Variants in RELN observed in about 807,000 individuals in gnomAD.
RELN encodes the protein reelin.
A neutral mutation model predicts 427.6 loss-of-function variants in RELN; 108 were observed. The observed-to-expected ratio is 0.25, with a 90% CI of 0.22 to 0.30. RELN has a LOEUF of 0.30. Ranked by LOEUF, RELN falls within the 10% of genes least tolerant of loss-of-function variation. The probability of loss-of-function intolerance (pLI) is 1.00; values close to 1 mark genes in which losing one functional copy is unlikely to be tolerated. For missense variants in RELN, 3,715 were observed against 4,302.8 expected (o/e 0.86, Z 3.82); for synonymous variants, 1,524 against 1,513.4 (o/e 1.01, Z -0.16).
intron 20 of RELN, 118 bp from the exon 21 acceptor site, chr7:103,611,921 C>A: frequency 2.5e-6 from 2 of 808,870 alleles, no homozygotes; most frequent in Non-Finnish European, 2.0e-6. Flanking sequence ...TTAAACCTTG[C>A]CAAATTCTAG....
intron 28 of RELN, among the ~76,000 whole-genome samples, chr7:103,586,342 G>A (rs770951502): frequency 2.0e-5 from 3 of 151,882 alleles, no homozygotes; most frequent in African/African-American, 2.4e-5. Flanking sequence ...CAGCCTGGGC[G>A]ACAGAGTGAG....
intron 2 of RELN, among the ~76,000 whole-genome samples, chr7:103,857,099 C>A (rs1251692843): frequency 1.3e-5 from 2 of 152,082 alleles, no homozygotes; most frequent in Non-Finnish European, 1.5e-5. Context: ...TGCATTACCC[C>A]TCTCTTGCAA....
At chr7:103,659,751 A>G (rs1338226974) in intron 12 of RELN, among the ~76,000 whole-genome samples, 1 of 152,162 alleles carries the variant, frequency 6.6e-6, no homozygotes, top group African/African-American at 2.4e-5. Context: ...ATCAATAACA[A>G]CAGAGATATA....
chr7:103,538,954 A>T lies in RELN; in HGVS notation c.7180+124T>A, dbSNP rs1830116650. 2.8e-6 allele frequency: 3 copies of T among 1,066,686 alleles called. No individual in the cohort carries two copies. The Admixed American group carries it at 5.8e-5, about 21-fold the overall frequency. The allele number at this position is 1,066,686 out of a possible 1,614,324, so 66.1% of individuals were successfully genotyped here. A position where few individuals can be genotyped will look rare whatever the true frequency, so the allele number is the denominator to read the frequency against. On this transcript the variant is annotated intron_variant, in intron 45 of 64. Transcript: ENST00000428762. ...ATTTTCAAGAGTACAGTGTGGTTTG[A>T]CTCAAAGTGCACTTGTGTTTTATTT...
chr7:103,538,395 G>C (rs362745), intron 45 of RELN, among the ~76,000 whole-genome samples: 35,715 of 151,786 alleles, frequency 0.24, 5,157 homozygotes, highest in African/African-American at 0.41. Context: ...CAGGTAGAGA[G>C]TCCAAGTGTG....
intron 2 of RELN, among the ~76,000 whole-genome samples, chr7:103,867,459 T>C (rs1382379167): frequency 1.3e-5 from 2 of 152,042 alleles, no homozygotes; most frequent in Non-Finnish European, 2.9e-5. Flanking sequence ...TGTTTTGGAA[T>C]ATATATTACA....
At chr7:103,594,228 G>A in intron 26 of RELN, 93 bp downstream of exon 26, 1 of 1,227,064 alleles carries the variant, frequency 8.1e-7, no homozygotes. Flanking sequence ...TATACATTCA[G>A]TGTCAAGCAC....
At chr7:103,893,538 T>C (rs541200432) in intron 2 of RELN, among the ~76,000 whole-genome samples, 1 of 152,292 alleles carries the variant, frequency 6.6e-6, no homozygotes, top group South Asian at 2.1e-4. Context: ...TCATTGAAAG[T>C]ACAAATGCAA....
At chr7:103,567,739 A>T (rs1466500039) in intron 31 of RELN, among the ~76,000 whole-genome samples, 1 of 151,132 alleles carries the variant, frequency 6.6e-6, no homozygotes, top group South Asian at 2.1e-4. Context: ...TTGAGTATTC[A>T]TAGATATTAC....
At chr7:103,516,522 G>A (rs1321500837) in intron 49 of RELN, among the ~76,000 whole-genome samples, 3 of 151,712 alleles carry the variant, frequency 2.0e-5, no homozygotes, top group African/African-American at 4.8e-5. Context: ...TCCTGACCTC[G>A]GGTGATCCAC....
intron 2 of RELN, among the ~76,000 whole-genome samples, chr7:103,856,569 C>CAAAAAAAAAAAAAA (rs34695080): frequency 1.2e-5 from 1 of 80,382 alleles, no homozygotes; most frequent in African/African-American, 4.9e-5. Flanking sequence ...AACTCCACCT[C>CAAAAAAAAAAAAAA]AAAAAAAAAA....
rs763544212 is a variant in RELN at position 103,640,649 on chromosome 7, G to A, written c.2003-40C>T. 3.8e-6 allele frequency: 6 copies of A among 1,598,384 alleles called. No individual in the cohort carries two copies. Among genetic ancestry groups the A allele is most frequent in the Non-Finnish European group, 5.1e-6 (6 of 1,167,514 alleles). The stretch of plus-strand genomic sequence containing the variant: ...AAGAGAACATAATTACAAAAACATA[G>A]AACACTACCAGTACAATTTTGTGAA... On this transcript the variant is annotated intron_variant, in intron 16 of 64. Coordinates refer to ENST00000428762, the MANE Select transcript of RELN (RefSeq NM_005045.4). The surrounding 1 kb of genome is among the most constrained non-coding windows in gnomAD (Gnocchi z 4.1).
rs180901729 is a variant in RELN at position 103,626,680 on chromosome 7, G to A, written c.2702+3260C>T. On this transcript the variant is annotated intron_variant, in intron 20 of 64. Coordinates refer to ENST00000428762, the MANE Select transcript of RELN (RefSeq NM_005045.4). The surrounding 1 kb of genome is among the most constrained non-coding windows in gnomAD (Gnocchi z 4.4). ...AAAACCCAAACTCTATATTTAATAC[G>A]ACAGCAATTTCCTTCAAACCTGTTG... 5.9e-5 allele frequency among the ~76,000 whole-genome samples: 9 copies of A among 152,176 alleles called. No homozygotes were observed. Among genetic ancestry groups the A allele is most frequent in the Admixed American group, 1.3e-4 (2 of 15,276 alleles).
intron 11 of RELN, among the ~76,000 whole-genome samples, chr7:103,675,931 T>C (rs138903843): frequency 0.45 from 68,838 of 151,806 alleles, 16,748 homozygotes; most frequent in South Asian, 0.62. Flanking sequence ...AAACCATAAA[T>C]ACCCTAGAAG....
intron 50 of RELN, chr7:103,513,747 G>A (rs901921336): frequency 6.6e-6 from 1 of 151,904 alleles, no homozygotes; most frequent in African/African-American, 2.4e-5. Flanking sequence ...CCAAGGACAT[G>A]AGGAAATAAG....
At position 103,494,394 on chromosome 7, in the gene RELN, G is replaced by GTGTGT. The variant is rs774896895; in HGVS notation, c.9369+1328_9369+1329insACACA. On this transcript the variant is annotated intron_variant, in intron 57 of 64. Coordinates refer to ENST00000428762, the MANE Select transcript of RELN (RefSeq NM_005045.4). ...GTGTGTGTGTGTGTGTGTGTGTGTG[G>GTGTGT]GATATGGTCTTGTTCTGTTGCCCTA... 8.9e-3 allele frequency among the ~76,000 whole-genome samples: 1,193 copies of GTGTGT among 134,534 alleles called. 15 individuals are homozygous for GTGTGT. The highest frequency in any genetic ancestry group is 0.033 in the African/African-American group (1,117 of 33,420). The allele number at this position is 134,534 out of a possible 152,430, so 88.3% of individuals were successfully genotyped here. A position where few individuals can be genotyped will look rare whatever the true frequency, so the allele number is the denominator to read the frequency against.
chr7:103,941,046 C>T (rs931020687), intron 1 of RELN, among the ~76,000 whole-genome samples: 1 of 152,164 alleles, frequency 6.6e-6, no homozygotes, highest in Non-Finnish European at 1.5e-5. Context: ...AAATCTTCCT[C>T]CCTGGATGTT....
chr7:103,775,885 C>T (rs569754961), intron 4 of RELN, among the ~76,000 whole-genome samples: 1 of 152,254 alleles, frequency 6.6e-6, no homozygotes, highest in South Asian at 2.1e-4. Flanking sequence ...CAACATCCAC[C>T]CCTTTTCAGA....
intron 28 of RELN, among the ~76,000 whole-genome samples, chr7:103,588,199 T>C (rs1259362119): frequency 6.6e-6 from 1 of 152,006 alleles, no homozygotes; most frequent in Non-Finnish European, 1.5e-5. Context: ...TAGAGAAGAA[T>C]GAAATCATGT....
Sources: gnomAD v4.1 joint callset for allele counts (sites outside exome capture counted in the v4.1 genomes callset) on GRCh38, gnomAD v4.1.1 for gene constraint, Gnocchi (gnomAD v3.1) non-coding constraint, MANE v1.5 for transcripts, NCBI Gene and HGNC (gene_info 2026-07-23, HGNC 2026-07-21) for gene names.